Variants in RMND5A observed in about 807,000 individuals in gnomAD.
RMND5A encodes E3 ubiquitin-protein transferase RMND5A.
RMND5A carries 17 observed loss-of-function variants against 49.7 expected under a neutral mutation model. That is an observed-to-expected ratio of 0.34 (90% CI 0.23 to 0.51). The LOEUF (loss-of-function observed/expected upper bound fraction) is 0.51, where lower values mean the gene tolerates loss of function less well. Ranked by LOEUF, RMND5A falls within the 20% of genes least tolerant of loss-of-function variation. The pLI, the probability that RMND5A is intolerant of heterozygous loss-of-function variation, is 0.96. For synonymous variants in RMND5A, 156 were observed against 167.7 expected (o/e 0.93, Z 0.54); for missense variants, 255 against 471.3 (o/e 0.54, Z 4.25).
At chr2:86,767,313 T>G (rs1036286333) in intron 6 of RMND5A, among the ~76,000 whole-genome samples, 10 of 152,202 alleles carry the variant, frequency 6.6e-5, no homozygotes, top group African/African-American at 2.4e-4. Context: ...ATCCACTGCC[T>G]TGGCCTCCCA....
chr2:86,749,382 A>C (rs945834009), intron 2 of RMND5A, among the ~76,000 whole-genome samples: 4 of 150,446 alleles, frequency 2.7e-5, no homozygotes, highest in African/African-American at 9.8e-5. Context: ...ACTTTGTATT[A>C]TTTCTTTTTC....
rs143473089 is a variant in RMND5A at position 86,777,239 on chromosome 2, G to C, written c.*3828G>C. On this transcript the variant is annotated 3_prime_UTR_variant, in exon 9 of 9. Coordinates refer to ENST00000283632, the MANE Select transcript of RMND5A (RefSeq NM_022780.4). ...GGAATTGGCTTACAGCACATGCTTTGTTTCATGTTATGGGTGAGGACCTAC... is the reference window on the plus strand; with the variant it reads ...GGAATTGGCTTACAGCACATGCTTTCTTTCATGTTATGGGTGAGGACCTAC... The C allele has an allele frequency of 3.9e-5, 6 of 152,312 alleles. No individual in the cohort carries two copies. Among genetic ancestry groups the C allele is most frequent in the African/African-American group, 1.2e-4 (5 of 41,576 alleles). The allele number at this position is 152,312 out of a possible 1,614,324, so 9.4% of individuals were successfully genotyped here.
intron 4 of RMND5A, among the ~76,000 whole-genome samples, chr2:86,757,571 C>T (rs558704958): frequency 1.6e-4 from 24 of 152,160 alleles, no homozygotes; most frequent in East Asian, 1.9e-4. Context: ...CTTAATACAA[C>T]GAGGTGGGGG....
At chr2:86,720,884 C>T (rs1681195831) in intron 1 of RMND5A, 75 bp downstream of exon 1, 8 of 1,374,602 alleles carry the variant, frequency 5.8e-6, no homozygotes, top group Non-Finnish European at 7.7e-6. Flanking sequence ...GGCGGGAATC[C>T]CTCACCCACC....
At chr2:86,768,904 A>G (rs1020944439) in intron 6 of RMND5A, among the ~76,000 whole-genome samples, 5 of 152,242 alleles carry the variant, frequency 3.3e-5, no homozygotes, top group Non-Finnish European at 7.3e-5. Flanking sequence ...TTTGTGCAAT[A>G]TAAAACCTTT....
chr2:86,721,078 G>C (rs1681204972), intron 1 of RMND5A: 1 of 333,800 alleles, frequency 3.0e-6, no homozygotes, highest in South Asian at 5.1e-5. Flanking sequence ...ATAAACGTGG[G>C]TGAGGGGGCC....
At chr2:86,770,584 G>A (rs1403792587) in intron 7 of RMND5A, among the ~76,000 whole-genome samples, 1 of 152,224 alleles carries the variant, frequency 6.6e-6, no homozygotes, top group Admixed American at 6.5e-5. Context: ...GCAGTCATCA[G>A]TGGGTCTCTA....
At chr2:86,762,682 TATATATATC>T (rs58739685) in intron 4 of RMND5A, among the ~76,000 whole-genome samples, 17,135 of 131,288 alleles carry the variant, frequency 0.13, 1,294 homozygotes, top group South Asian at 0.26. Flanking sequence ...ATATATATCA[TATATATATC>T]ATATATATCA....
At chr2:86,773,041 C>T (rs1467651497) in intron 8 of RMND5A, among the ~76,000 whole-genome samples, 9 of 152,136 alleles carry the variant, frequency 5.9e-5, no homozygotes, top group Admixed American at 5.9e-4. Context: ...GCAACCTAAA[C>T]CTTTGGGAAA....
chr2:86,773,457 G>A lies in RMND5A; in HGVS notation c.*46G>A, dbSNP rs75434387. 4.4e-4 allele frequency: 542 copies of A among 1,222,210 alleles called. 3 individuals carry two copies. In the African/African-American group the frequency reaches 7.3e-3, roughly 16 times the overall value. 75.7% of individuals were successfully genotyped at this position (1,222,210 alleles called of 1,614,324 possible). On this transcript the variant is annotated 3_prime_UTR_variant, in exon 9 of 9. Coordinates refer to ENST00000283632, the MANE Select transcript of RMND5A (RefSeq NM_022780.4). ...ATTTGTAAGTGAAACTGAATCGTGG[G>A]TGCATTTCAGAAGAGAACGTTCCAT...
In RMND5A at chr2:86,765,103, ATT is replaced by A. The variant is rs1672568636; in HGVS notation, c.599_600del (p.Ile200LysfsTer18). On this transcript the variant is annotated frameshift_variant, in exon 5 of 9. Coordinates refer to ENST00000283632, the MANE Select transcript of RMND5A (RefSeq NM_022780.4). LOFTEE classifies it high-confidence loss of function. ...ATTTAAGCTACACAGACTGTATTTT[ATT>A]AGCTTGTTAATGGGTGGAACCACAA... ...LEFKLHRLYF[I>X]SLLMGGTTNQ... 6.2e-7 allele frequency: 1 copy of A among 1,614,012 alleles called. No homozygotes were observed. The highest frequency in any genetic ancestry group is 1.3e-5 in the African/African-American group (1 of 74,930).
intron 4 of RMND5A, among the ~76,000 whole-genome samples, chr2:86,759,670 A>T (rs527942388): frequency 2.2e-5 from 3 of 138,638 alleles, no homozygotes; most frequent in East Asian, 5.5e-4. Flanking sequence ...CGCGGTGGTG[A>T]GCACCTGTAA....
At chr2:86,762,671 T>TATATATATC (rs1357717063) in intron 4 of RMND5A, among the ~76,000 whole-genome samples, 4 of 135,814 alleles carry the variant, frequency 2.9e-5, no homozygotes, top group African/African-American at 8.6e-5. Context: ...TTTTTATATA[T>TATATATATC]ATATATATCA....
chr2:86,728,790 G>T (rs1681309186), intron 1 of RMND5A, among the ~76,000 whole-genome samples: 1 of 139,176 alleles, frequency 7.2e-6, no homozygotes, highest in Non-Finnish European at 1.5e-5. Context: ...GTCTCGCTCT[G>T]TCACCCAGGC....
chr2:86,771,215 T>G, intron 7 of RMND5A: 1 of 184,182 alleles, frequency 5.4e-6, no homozygotes, highest in East Asian at 1.3e-4. Flanking sequence ...CAGTTTCCCA[T>G]TTATGTTGTA....
chr2:86,754,205 C>G (rs1038231018), intron 4 of RMND5A, among the ~76,000 whole-genome samples: 51 of 152,162 alleles, frequency 3.4e-4, no homozygotes, highest in Admixed American at 7.9e-4. Context: ...ATTTTACAAC[C>G]CTTTAAAAAT....
intron 4 of RMND5A, among the ~76,000 whole-genome samples, chr2:86,755,537 G>A (rs1681718884): frequency 6.6e-6 from 1 of 152,118 alleles, no homozygotes; most frequent in Non-Finnish European, 1.5e-5. Flanking sequence ...CGTTTCTTAG[G>A]TTTTTTCATT....
At chr2:86,735,029 A>C (rs62148503) in intron 1 of RMND5A, among the ~76,000 whole-genome samples, 81,816 of 133,938 alleles carry the variant, frequency 0.61, 24,550 homozygotes, top group East Asian at 0.88. Context: ...TGGCTTATTG[A>C]ATACTTAATG....
Position 86,720,652 on chromosome 2 carries a change from C to G in RMND5A, c.-16C>G. On this transcript the variant is annotated 5_prime_UTR_variant, in exon 1 of 9. Coordinates refer to ENST00000283632, the MANE Select transcript of RMND5A (RefSeq NM_022780.4). Reference sequence around the variant, plus strand: ...GACACCTGGGCGCCGAGGAGCCGAGCGCCGCCGCCTCCGGCATGGATCAGT... The same window carrying G: ...GACACCTGGGCGCCGAGGAGCCGAGGGCCGCCGCCTCCGGCATGGATCAGT... 5 of 1,531,400 alleles carry G rather than the reference C, an allele frequency of 3.3e-6. No individual in the cohort carries two copies. Among genetic ancestry groups the G allele is most frequent in the Non-Finnish European group, 4.4e-6 (5 of 1,142,802 alleles). 94.9% of individuals were successfully genotyped at this position (1,531,400 alleles called of 1,614,324 possible). A position where few individuals can be genotyped will look rare whatever the true frequency, so the allele number is the denominator to read the frequency against.
Sources: gnomAD v4.1 joint callset for allele counts (sites outside exome capture counted in the v4.1 genomes callset) on GRCh38, gnomAD v4.1.1 for gene constraint, MANE v1.5 for transcripts, NCBI Gene and HGNC (gene_info 2026-07-23, HGNC 2026-07-21) for gene names.